Variants in MYLK4 observed in about 807,000 individuals in gnomAD.
The protein encoded by MYLK4 is caMLCK like.
Under a neutral mutation model 48.1 loss-of-function variants are expected in MYLK4, and 46 were observed. The ratio of observed to expected loss-of-function variants is 0.96; its 90% confidence interval spans 0.75 to 1.22. The LOEUF (loss-of-function observed/expected upper bound fraction) is 1.22, where lower values mean the gene tolerates loss of function less well. MYLK4 is among the 50% of genes most tolerant of loss of function. The pLI is 0.00. For synonymous variants in MYLK4, 170 were observed against 180.8 expected (o/e 0.94, Z 0.48); for missense variants, 451 against 486.1 (o/e 0.93, Z 0.68).
chr6:2,724,070 G>T (rs1413729599), intron 2 of MYLK4, among the ~76,000 whole-genome samples: 1 of 152,088 alleles, frequency 6.6e-6, no homozygotes, highest in East Asian at 1.9e-4. Context: ...TAGAGACGGG[G>T]TTTCACCATG....
In MYLK4 at chr6:2,666,961, T is replaced by A. The variant is rs1760680590; in HGVS notation, c.*964A>T. ...AGAGACTGTACTTGGTCTTTGCCAC[T>A]GTTTGTATGTGTTTACCCAGAAGCT... On this transcript the variant is annotated 3_prime_UTR_variant, in exon 13 of 13. Transcript: ENST00000274643. The A allele has an allele frequency of 6.6e-6, 1 of 152,262 alleles. No individual in the cohort carries two copies. Among genetic ancestry groups the A allele is most frequent in the Admixed American group, 6.5e-5 (1 of 15,292 alleles). 9.4% of individuals were successfully genotyped at this position (152,262 alleles called of 1,614,324 possible).
chr6:2,765,992 C>G, the MYLK4 span: 11 of 1,383,770 alleles, frequency 7.9e-6, no homozygotes, highest in South Asian at 1.1e-4. Flanking sequence ...CCGCCTTATC[C>G]CCGACTTCCC....
the MYLK4 span, among the ~76,000 whole-genome samples, chr6:2,768,018 C>T: frequency 6.6e-6 from 1 of 152,162 alleles, no homozygotes; most frequent in Non-Finnish European, 1.5e-5. Flanking sequence ...TCCTTTAGTA[C>T]TAATAACAAC....
At position 2,685,506 on chromosome 6, in the gene MYLK4, T is replaced by C; in HGVS notation, c.412A>G (p.Lys138Glu). 1 of 1,614,052 alleles carries C rather than the reference T, an allele frequency of 6.2e-7. No individual in the cohort carries two copies. The highest frequency in any genetic ancestry group is 8.5e-7 in the Non-Finnish European group (1 of 1,180,000). ...TGLKLAAKII[K>E]TRGMKDKEEV... ...ACCTTGTCCTTCATGCCTCTGGTCT[T>C]GATGATTTTGGCTGCCAGCTTCAGA... The change falls in exon 5 of 13, where the codon AAG becomes GAG. Residue 138 changes from lysine (K) to glutamate (E), a missense_variant. By Grantham distance (56) the Lys-to-Glu change is moderately conservative. Coordinates refer to ENST00000274643, the MANE Select transcript of MYLK4 (RefSeq NM_001012418.5). This position sits in a 1 kb window ranked among gnomAD's most constrained non-coding sequence, Gnocchi z 4.5.
chr6:2,753,679 A>AT (rs1764352628), upstream of MYLK4, among the ~76,000 whole-genome samples: 1 of 152,148 alleles, frequency 6.6e-6, no homozygotes, highest in African/African-American at 2.4e-5. Context: ...ACTTAATAAT[A>AT]TATGACAAAA....
intron 2 of MYLK4, among the ~76,000 whole-genome samples, chr6:2,727,020 CAAA>C (rs1278357721): frequency 6.6e-6 from 1 of 152,214 alleles, no homozygotes. Context: ...TTTTGTGACA[CAAA>C]ATACTTTGAC....
At chr6:2,680,534 CT>C (rs1761256484) in intron 7 of MYLK4, 1 of 985,312 alleles carries the variant, frequency 1.0e-6, no homozygotes, top group African/African-American at 1.7e-5. Context: ...ACCATAATGC[CT>C]GAGTTCAGGC....
intron 2 of MYLK4, among the ~76,000 whole-genome samples, chr6:2,716,137 A>C (rs188187165): frequency 5.3e-4 from 80 of 152,322 alleles, no homozygotes; most frequent in Middle Eastern, 3.4e-3. Context: ...TAAGACAGAT[A>C]ATTATCTCTC....
upstream of MYLK4, among the ~76,000 whole-genome samples, chr6:2,752,533 C>A (rs540210293): frequency 6.6e-6 from 1 of 152,140 alleles, no homozygotes; most frequent in East Asian, 1.9e-4. Flanking sequence ...ATATTTTCTT[C>A]TGAGCACTTG....
chr6:2,709,795 G>A (rs536705110), intron 2 of MYLK4, among the ~76,000 whole-genome samples: 50 of 152,192 alleles, frequency 3.3e-4, no homozygotes, highest in African/African-American at 9.4e-4. Flanking sequence ...TTCCCTTTCA[G>A]GTTTGGTTAA....
chr6:2,705,951 G>A (rs150322253), intron 2 of MYLK4, among the ~76,000 whole-genome samples: 1 of 151,324 alleles, frequency 6.6e-6, no homozygotes, highest in African/African-American at 2.4e-5. Flanking sequence ...GAGCATTGTA[G>A]CCCAATCAGC....
chr6:2,736,316 G>A (rs1390711499), intron 2 of MYLK4, among the ~76,000 whole-genome samples: 1 of 152,170 alleles, frequency 6.6e-6, no homozygotes, highest in African/African-American at 2.4e-5. Flanking sequence ...GCGCAATGGC[G>A]CGATCTCGGC....
chr6:2,765,542 C>T, the MYLK4 span: 4 of 1,350,244 alleles, frequency 3.0e-6, no homozygotes, highest in East Asian at 9.8e-5. Flanking sequence ...CGGCGCGGGG[C>T]CTAGCGGAGG....
At chr6:2,762,812 T>C in the MYLK4 span, among the ~76,000 whole-genome samples, 1 of 152,194 alleles carries the variant, frequency 6.6e-6, no homozygotes, top group Non-Finnish European at 1.5e-5. Context: ...CGGAGACCGT[T>C]AGAGGTCTTA....
chr6:2,749,379 A>T lies in MYLK4; in HGVS notation c.-85T>A, dbSNP rs113376164. 8 of 1,085,950 alleles carry T rather than the reference A, an allele frequency of 7.4e-6. No homozygotes were observed. The highest frequency in any genetic ancestry group is 4.7e-5 in the African/African-American group (3 of 63,880). 67.3% of individuals were successfully genotyped at this position (1,085,950 alleles called of 1,614,324 possible). On this transcript the variant is annotated 5_prime_UTR_variant, in exon 2 of 13. It removes the in-frame stop codon of an upstream open reading frame in the 5' UTR. Transcript: ENST00000274643. ...CCGATTTATAAATCAGGACACAATTATGACTCTTCAGTGCTTCTTTCTCTT... is the reference window on the plus strand; with the variant it reads ...CCGATTTATAAATCAGGACACAATTTTGACTCTTCAGTGCTTCTTTCTCTT...
intron 2 of MYLK4, among the ~76,000 whole-genome samples, chr6:2,747,035 C>T (rs1764117773): frequency 6.6e-6 from 1 of 152,202 alleles, no homozygotes; most frequent in Non-Finnish European, 1.5e-5. Context: ...TTGCAGACAT[C>T]TCTAGGCCCT....
upstream of MYLK4, among the ~76,000 whole-genome samples, chr6:2,755,476 G>A (rs571941344): frequency 3.9e-5 from 6 of 152,128 alleles, no homozygotes; most frequent in African/African-American, 1.2e-4. Context: ...ATTACATAGC[G>A]CATTTAATCA....
At chr6:2,674,784 T>C (rs1161881883) in intron 11 of MYLK4, among the ~76,000 whole-genome samples, 1 of 152,150 alleles carries the variant, frequency 6.6e-6, no homozygotes, top group Non-Finnish European at 1.5e-5. Flanking sequence ...GGCAGGAGAA[T>C]CGCTTGAACC....
chr6:2,770,029 GA>G, the MYLK4 span: 2 of 1,551,482 alleles, frequency 1.3e-6, no homozygotes, highest in Non-Finnish European at 1.7e-6. Context: ...TAAAAATGAG[GA>G]AAAGGAAGGA....
Sources: gnomAD v4.1 joint callset for allele counts (sites outside exome capture counted in the v4.1 genomes callset) on GRCh38, gnomAD v4.1.1 for gene constraint, Gnocchi (gnomAD v3.1) non-coding constraint, MANE v1.5 for transcripts, NCBI Gene and HGNC (gene_info 2026-07-23, HGNC 2026-07-21) for gene names.